CHD6: variants seen among roughly 807,000 people sequenced by gnomAD.
CHD6 encodes ATP-dependent chromatin remodeler CHD6.
A neutral mutation model predicts 276.9 loss-of-function variants in CHD6; 50 were observed. The ratio of observed to expected loss-of-function variants is 0.18; its 90% CI spans 0.14 to 0.23. CHD6 has a LOEUF of 0.23. Ranked by LOEUF, CHD6 falls within the 10% of genes least tolerant of loss-of-function variation. The pLI is 1.00. For missense variants in CHD6, 2,564 were observed against 3,365.8 expected (o/e 0.76, Z 5.89); for synonymous variants, 1,173 against 1,229.3 (o/e 0.95, Z 0.96).
intron 29 of CHD6, 68 bp downstream of exon 29, chr20:41,425,110 C>G (rs144961338): frequency 3.2e-6 from 4 of 1,268,876 alleles, no homozygotes; most frequent in Non-Finnish European, 4.6e-6. Flanking sequence ...TCCAAGCTAC[C>G]GGCTTTACCT....
At chr20:41,547,228 A>T (rs1298604142) in intron 2 of CHD6, among the ~76,000 whole-genome samples, 1 of 152,226 alleles carries the variant, frequency 6.6e-6, no homozygotes, top group African/African-American at 2.4e-5. Context: ...CTTGCCACTG[A>T]CAAACTAAAT....
chr20:41,590,812 G>A lies in CHD6; in HGVS notation c.-24+27528C>T, dbSNP rs1292457470. ...CGGAAGACAGTGTGGCGATTCCTCAGGGATCTAGAACTAGAAATACCATTT... is the reference window on the plus strand; with the variant it reads ...CGGAAGACAGTGTGGCGATTCCTCAAGGATCTAGAACTAGAAATACCATTT... On this transcript the variant is annotated intron_variant, in intron 1 of 36. Coordinates refer to ENST00000373233, the MANE Select transcript of CHD6 (RefSeq NM_032221.5). Among the ~76,000 whole-genome samples the A allele has an allele frequency of 2.6e-5, 4 of 151,712 alleles. 1 individual carries two copies. The highest frequency in any genetic ancestry group is 6.6e-5 in the Admixed American group (1 of 15,234).
intron 1 of CHD6, among the ~76,000 whole-genome samples, chr20:41,574,445 T>C (rs890321931): frequency 4.6e-5 from 7 of 152,130 alleles, no homozygotes; most frequent in African/African-American, 7.2e-5. Flanking sequence ...CATTTTCTGC[T>C]CTCTCCTGAA....
chr20:41,613,260 T>G (rs2045905790), intron 1 of CHD6, among the ~76,000 whole-genome samples: 1 of 152,148 alleles, frequency 6.6e-6, no homozygotes, highest in African/African-American at 2.4e-5. Context: ...TTCTTCAATG[T>G]AAGAAAGAAA....
At chr20:41,416,465 T>C (rs1243462911) in intron 33 of CHD6, 123 bp downstream of exon 33, 1 of 826,066 alleles carries the variant, frequency 1.2e-6, no homozygotes. Flanking sequence ...TCAACACTAA[T>C]GGCTTGGCAA....
Position 41,484,506 on chromosome 20 carries a change from C to A in CHD6, c.2103G>T (p.Val701=), listed in dbSNP as rs775422794. The change falls in exon 15 of 37, where the codon GTG becomes GTT. Residue 701 remains valine (V), a synonymous_variant. Transcript: ENST00000373233. ...LAPKQETIIE[V]ELTNIQKKYY... The stretch of plus-strand genomic sequence containing the variant: ...ACTTTTTCTGGATATTGGTCAGTTC[C>A]ACCTCAATGATCGTCTCTTGTTTGG... The A allele has an allele frequency of 6.2e-7, 1 of 1,613,826 alleles. No individual in the cohort carries two copies. The highest frequency in any genetic ancestry group is 8.5e-7 in the Non-Finnish European group (1 of 1,179,852).
intron 10 of CHD6, among the ~76,000 whole-genome samples, 174 bp downstream of exon 10, chr20:41,493,364 G>A (rs567871180): frequency 3.9e-5 from 6 of 152,182 alleles, no homozygotes; most frequent in Non-Finnish European, 5.9e-5. Flanking sequence ...TGACAAGGGC[G>A]CTGGGAAAGT....
chr20:41,512,975 T>C lies in CHD6; in HGVS notation c.723A>G (p.Gln241=). Residue 241 remains glutamine (Q), a synonymous_variant, in exon 5 of 37, where the codon CAA becomes CAG. Transcript: ENST00000373233. ...CCTCATTGTATTTTCTGCGCTTTAC[T>C]TGCCTTCCCGAGCGTCGTTTCTGTA... is the stretch of plus-strand genomic sequence containing the variant. ...TDSQKRRSGR[Q]VKRRKYNEDL... 6.2e-7 allele frequency: 1 copy of C among 1,614,062 alleles called. No homozygotes were observed. Among genetic ancestry groups the C allele is most frequent in the Non-Finnish European group, 8.5e-7 (1 of 1,179,950 alleles).
At chr20:41,425,820 C>T (rs967942821) in intron 28 of CHD6, among the ~76,000 whole-genome samples, 10 of 152,030 alleles carry the variant, frequency 6.6e-5, no homozygotes, top group East Asian at 1.9e-4. Flanking sequence ...AAAAAAAACC[C>T]GATGTCATCA....
chr20:41,549,934 G>A (rs1261004354), intron 2 of CHD6, among the ~76,000 whole-genome samples: 3 of 152,142 alleles, frequency 2.0e-5, no homozygotes, highest in African/African-American at 4.8e-5. Flanking sequence ...GAGTAGCTGC[G>A]ATTACAGGTG....
At chr20:41,455,742 G>A (rs1268445935) in intron 19 of CHD6, 58 bp downstream of exon 19, 1 of 1,221,712 alleles carries the variant, frequency 8.2e-7, no homozygotes, top group Admixed American at 2.6e-5. Flanking sequence ...GGGTTTCAGA[G>A]AATAAACATT....
chr20:41,523,634 GTGTTTTT>G (rs72485704), intron 3 of CHD6, among the ~76,000 whole-genome samples: 105 of 151,262 alleles, frequency 6.9e-4, no homozygotes, highest in East Asian at 2.1e-3. Context: ...TAGAAAAAAC[GTGTTTTT>G]TGTTTTTTGT....
At chr20:41,488,872 C>T (rs1420540512) in intron 12 of CHD6, among the ~76,000 whole-genome samples, 1 of 152,216 alleles carries the variant, frequency 6.6e-6, no homozygotes, top group Non-Finnish European at 1.5e-5. Context: ...AGCAAGGGAG[C>T]ATTTTTATTT....
At chr20:41,476,073 C>T (rs2043161874) in intron 16 of CHD6, among the ~76,000 whole-genome samples, 1 of 152,102 alleles carries the variant, frequency 6.6e-6, no homozygotes, top group Middle Eastern at 3.2e-3. Context: ...GCCCTCATTC[C>T]TGTGTGAGAG....
chr20:41,546,498 C>T (rs2045045800), intron 2 of CHD6, among the ~76,000 whole-genome samples: 1 of 152,158 alleles, frequency 6.6e-6, no homozygotes, highest in Non-Finnish European at 1.5e-5. Flanking sequence ...GCCTGCAGAC[C>T]ATATTATACA....
intron 18 of CHD6, 82 bp from the exon 19 acceptor site, chr20:41,456,061 G>T: frequency 7.6e-7 from 1 of 1,314,552 alleles, no homozygotes; most frequent in Non-Finnish European, 1.0e-6. Context: ...TTGTGATTCA[G>T]TGCATAGTTC....
chr20:41,520,235 A>G (rs570386469), intron 3 of CHD6, among the ~76,000 whole-genome samples: 176 of 152,334 alleles, frequency 1.2e-3, no homozygotes, highest in African/African-American at 4.0e-3. Flanking sequence ...ACTGTAAACT[A>G]GTTCAACCAT....
intron 17 of CHD6, among the ~76,000 whole-genome samples, chr20:41,457,687 G>A (rs1475536513): frequency 6.6e-6 from 1 of 152,192 alleles, no homozygotes; most frequent in Non-Finnish European, 1.5e-5. Flanking sequence ...CCCATCCTGT[G>A]CCCCCGCCCT....
intron 1 of CHD6, among the ~76,000 whole-genome samples, chr20:41,554,727 G>A (rs1376009575): frequency 1.3e-5 from 2 of 151,566 alleles, no homozygotes; most frequent in Non-Finnish European, 1.5e-5. Flanking sequence ...AGATCAACAG[G>A]ATAAGAATTT....
Sources: gnomAD v4.1 joint callset for allele counts (sites outside exome capture counted in the v4.1 genomes callset) on GRCh38, gnomAD v4.1.1 for gene constraint, MANE v1.5 for transcripts, NCBI Gene and HGNC (gene_info 2026-07-23, HGNC 2026-07-21) for gene names.